Variants in SCFD1 observed in about 807,000 individuals in gnomAD.
SCFD1 encodes the protein sec1 family domain-containing protein 1.
In SCFD1, 37 loss-of-function variants were observed where a neutral mutation model predicts 103.2. That is an observed-to-expected ratio of 0.36 (90% confidence interval 0.28 to 0.47). SCFD1 has a LOEUF of 0.47. Ranked by LOEUF, SCFD1 falls within the 20% of genes least tolerant of loss-of-function variation. SCFD1 has a pLI of 1.00. For missense variants in SCFD1, 639 were observed against 761.2 expected, an observed-to-expected ratio of 0.84 and a Z score of 1.89; for synonymous variants, 264 against 245.0, an observed-to-expected ratio of 1.08 and a Z score of -0.73.
intron 16 of SCFD1, among the ~76,000 whole-genome samples, chr14:30,700,799 T>C (rs184719916): frequency 2.7e-3 from 415 of 152,396 alleles, no homozygotes; most frequent in Non-Finnish European, 4.6e-3. Context: ...TACTTTTAAG[T>C]TGTTGGAATG....
chr14:30,703,594 T>A (rs1891224874), intron 17 of SCFD1, among the ~76,000 whole-genome samples: 1 of 151,092 alleles, frequency 6.6e-6, no homozygotes, highest in South Asian at 2.1e-4. Context: ...GACTAAAGGA[T>A]TAAATAGGCT....
intron 5 of SCFD1, among the ~76,000 whole-genome samples, chr14:30,638,680 T>C (rs1884979101): frequency 6.6e-6 from 1 of 152,174 alleles, no homozygotes; most frequent in Admixed American, 6.5e-5. Flanking sequence ...GTGTTGCATA[T>C]TGAGATCCAA....
At chr14:30,628,134 G>T in intron 1 of SCFD1, 75 bp from the exon 2 acceptor site, 1 of 996,356 alleles carries the variant, frequency 1.0e-6, no homozygotes, top group Non-Finnish European at 1.5e-6. Flanking sequence ...TTGCTTTGGG[G>T]TAGTGAATGA....
At chr14:30,701,464 A>G (rs1216391873) in intron 16 of SCFD1, among the ~76,000 whole-genome samples, 2 of 151,918 alleles carry the variant, frequency 1.3e-5, no homozygotes, top group African/African-American at 2.4e-5. Context: ...CTGAGGCAGG[A>G]GAATGCCTTG....
chr14:30,684,728 C>CTTTTTTTT (rs766941201), intron 14 of SCFD1, among the ~76,000 whole-genome samples: 4 of 56,894 alleles, frequency 7.0e-5, no homozygotes, highest in African/African-American at 1.2e-4. Flanking sequence ...CTCACTTATT[C>CTTTTTTTT]TTTTTTTTTT....
intron 20 of SCFD1, among the ~76,000 whole-genome samples, chr14:30,716,997 A>G (rs1346995806): frequency 6.6e-6 from 1 of 152,228 alleles, no homozygotes; most frequent in Non-Finnish European, 1.5e-5. Context: ...CCTAGAATAC[A>G]TGAAGAAAAG....
intron 11 of SCFD1, among the ~76,000 whole-genome samples, chr14:30,671,107 G>GAT (rs1888499214): frequency 6.6e-6 from 1 of 152,082 alleles, no homozygotes; most frequent in African/African-American, 2.4e-5. Context: ...GTGTGTCCTT[G>GAT]ATATAGCTGT....
intron 4 of SCFD1, among the ~76,000 whole-genome samples, chr14:30,635,830 A>G (rs2139026493): frequency 6.6e-6 from 1 of 152,200 alleles, no homozygotes; most frequent in Non-Finnish European, 1.5e-5. Context: ...TTAGTAATAG[A>G]CTGTTTTGCG....
rs1416429002 is a variant in SCFD1, at chr14:30,707,996, A to G, written c.1560A>G (p.Leu520=). 6.2e-7 allele frequency: 1 copy of G among 1,612,538 alleles called. No homozygotes were observed. Among genetic ancestry groups the G allele is most frequent in the South Asian group, 1.1e-5 (1 of 91,052 alleles). Reference sequence around the variant, plus strand: ...CTCTTTTGCCCCTACCTAGTCTTTTATCACGAGTCATGAATACAGGATCAC... The same window carrying G: ...CTCTTTTGCCCCTACCTAGTCTTTTGTCACGAGTCATGAATACAGGATCAC... ...GSTTTKPMGL[L]SRVMNTGSQF... The change falls in exon 19 of 25, where the codon TTA becomes TTG. Residue 520 remains leucine (L), a synonymous_variant. Transcript: ENST00000458591.
chr14:30,634,970 C>T (rs1380379379), intron 4 of SCFD1: 5 of 455,814 alleles, frequency 1.1e-5, no homozygotes, highest in African/African-American at 2.0e-5. Flanking sequence ...TTAGATGAGT[C>T]ACCCCAAAGA....
chr14:30,643,183 AT>A (rs1185954061), intron 6 of SCFD1, 132 bp from the exon 7 acceptor site: 6 of 716,222 alleles, frequency 8.4e-6, no homozygotes, highest in Non-Finnish European at 1.5e-5. Flanking sequence ...AAAAAAAAAA[AT>A]TTAAACCAAA....
Position 30,670,262 on chromosome 14 carries a change from C to A in SCFD1, c.862C>A (p.His288Asn). 1 of 1,580,400 alleles carries A rather than the reference C, an allele frequency of 6.3e-7. No individual in the cohort carries two copies. Among genetic ancestry groups the A allele is most frequent in the South Asian group, 1.2e-5 (1 of 83,684 alleles). ...CAAGATTACTTTTTCCTAGGATTTC[C>A]ATTTAAACAGGGTTAATTTGGAAGA... is the stretch of plus-strand genomic sequence containing the variant. ...QALVHDVLDF[H>N]LNRVNLEESS... Residue 288 changes from histidine to asparagine, a missense_variant, in exon 11 of 25, where the codon CAT becomes AAT. His to Asn is a moderately conservative substitution (Grantham distance 68). Coordinates refer to ENST00000458591, the MANE Select transcript of SCFD1 (RefSeq NM_016106.4).
At position 30,664,669 on chromosome 14, in the gene SCFD1, A is replaced by G. The variant is rs1887766856; in HGVS notation, c.856-5587A>G. ...TGAAAAAAGATTAAAAGAATGGCTAACTAGAATAAACAGTGTAAAGAAGAC... is the reference window on the plus strand; with the variant it reads ...TGAAAAAAGATTAAAAGAATGGCTAGCTAGAATAAACAGTGTAAAGAAGAC... On this transcript the variant is annotated intron_variant, in intron 10 of 24. Coordinates refer to ENST00000458591, the MANE Select transcript of SCFD1 (RefSeq NM_016106.4). 2.0e-5 allele frequency among the ~76,000 whole-genome samples: 3 copies of G among 152,186 alleles called. No individual in the cohort carries two copies. In the South Asian group the frequency reaches 6.2e-4, roughly 31 times the overall value.
At chr14:30,703,910 CATATATATATATATATATATATATAT>C (rs71443380) in intron 17 of SCFD1, among the ~76,000 whole-genome samples, 798 of 39,566 alleles carry the variant, frequency 0.02, 91 homozygotes, top group Admixed American at 0.2. Context: ...GGAATATTTG[CATATATATATATATATATATATATAT>C]ATATATATAT....
chr14:30,646,179 C>T (rs1051605293), intron 7 of SCFD1, among the ~76,000 whole-genome samples: 8 of 152,098 alleles, frequency 5.3e-5, no homozygotes, highest in African/African-American at 7.2e-5. Flanking sequence ...CATGCCACCA[C>T]GCCCAGCTAA....
intron 19 of SCFD1, among the ~76,000 whole-genome samples, chr14:30,711,539 T>C (rs550717599): frequency 3.3e-5 from 5 of 152,220 alleles, no homozygotes; most frequent in African/African-American, 4.8e-5. Context: ...TGGATGATAA[T>C]TTATACAACA....
At chr14:30,666,814 A>C (rs1401312075) in intron 10 of SCFD1, among the ~76,000 whole-genome samples, 1 of 152,200 alleles carries the variant, frequency 6.6e-6, no homozygotes, top group Non-Finnish European at 1.5e-5. Flanking sequence ...GAAATGGATA[A>C]ATTCCTGGAC....
At chr14:30,623,333 A>G (rs1026524497) in intron 1 of SCFD1, among the ~76,000 whole-genome samples, 2 of 152,234 alleles carry the variant, frequency 1.3e-5, no homozygotes, top group African/African-American at 4.8e-5. Flanking sequence ...CATATGACCT[A>G]CAGAAGGGAT....
chr14:30,690,586 G>T (rs1044573554), intron 14 of SCFD1, among the ~76,000 whole-genome samples: 2 of 139,190 alleles, frequency 1.4e-5, no homozygotes, highest in Non-Finnish European at 3.0e-5. Context: ...AGGTGCGTCC[G>T]TCACCCCTTT....
Sources: allele counts gnomAD v4.1 joint callset (sites outside exome capture counted in the v4.1 genomes callset), GRCh38; gene constraint gnomAD v4.1.1; transcripts MANE v1.5; gene names NCBI Gene and HGNC (gene_info 2026-07-23, HGNC 2026-07-21).